SEC62: variants seen among roughly 807,000 people sequenced by gnomAD.
SEC62 encodes SEC62 preprotein translocation factor.
SEC62 carries 10 observed loss-of-function variants against 47.5 expected under a neutral mutation model. The observed-to-expected ratio is 0.21, with a 90% CI of 0.13 to 0.36. SEC62 has a LOEUF of 0.36. Ranked by LOEUF, SEC62 falls within the 10% of genes least tolerant of loss-of-function variation. SEC62 has a pLI of 1.00. For synonymous variants in SEC62, 136 were observed against 150.5 expected (o/e 0.90, Z 0.71); for missense variants, 327 against 464.1 (o/e 0.70, Z 2.71).
At chr3:169,969,180 G>C (rs1284819390) in intron 1 of SEC62, 2 of 371,572 alleles carry the variant, frequency 5.4e-6, no homozygotes, top group East Asian at 7.2e-5. Flanking sequence ...AATAGATTCA[G>C]TGATCTTTAA....
chr3:169,988,185 C>G, intron 6 of SEC62, 55 bp from the exon 7 acceptor site: 2 of 1,592,398 alleles, frequency 1.3e-6, no homozygotes, highest in Non-Finnish European at 1.7e-6. Flanking sequence ...GTTAGTGCAG[C>G]CATACCATTT....
chr3:169,968,353 C>T (rs1196935547), intron 1 of SEC62: 2 of 151,934 alleles, frequency 1.3e-5, no homozygotes, highest in East Asian at 3.8e-4. Context: ...TGAATAGCTG[C>T]TCTTATTTAG....
intron 1 of SEC62, 125 bp from the exon 2 acceptor site, chr3:169,975,483 G>A (rs1714815008): frequency 1.2e-5 from 7 of 575,234 alleles, no homozygotes; most frequent in Non-Finnish European, 2.1e-5. Flanking sequence ...TCGCTCCAGA[G>A]AAAGCTTGAA....
chr3:169,976,898 A>G (rs746115326), intron 2 of SEC62, 48 bp from the exon 3 acceptor site: 73 of 1,307,370 alleles, frequency 5.6e-5, no homozygotes, highest in Non-Finnish European at 7.4e-5. Context: ...TTAGATAGAC[A>G]TAAATCCCCA....
At chr3:169,990,445 T>C (rs2108288611) in intron 7 of SEC62, among the ~76,000 whole-genome samples, 1 of 152,272 alleles carries the variant, frequency 6.6e-6, no homozygotes, top group Admixed American at 6.5e-5. Flanking sequence ...AGCTTCCCCA[T>C]AATTCTTCCC....
Position 169,966,812 on chromosome 3 carries a change from G to C in SEC62, c.-11G>C. On this transcript the variant is annotated 5_prime_UTR_variant, in exon 1 of 8. Coordinates refer to ENST00000337002, the MANE Select transcript of SEC62 (RefSeq NM_003262.4). Reference sequence around the variant, plus strand: ...GCTCCACGTCAGAGGGAACCGGGCGGAGCGGCCAACATGGCGGAACGCAGG... The same window carrying C: ...GCTCCACGTCAGAGGGAACCGGGCGCAGCGGCCAACATGGCGGAACGCAGG... 1 of 1,552,928 alleles carries C rather than the reference G, an allele frequency of 6.4e-7. No individual in the cohort carries two copies. Among genetic ancestry groups the C allele is most frequent in the Non-Finnish European group, 8.7e-7 (1 of 1,147,790 alleles).
At chr3:169,990,929 G>A (rs1298802946) in intron 7 of SEC62, among the ~76,000 whole-genome samples, 1 of 152,084 alleles carries the variant, frequency 6.6e-6, no homozygotes, top group African/African-American at 2.4e-5. Flanking sequence ...AACAGTGACA[G>A]AATTGTCTAA....
rs756313227 is a variant in SEC62 at position 169,995,641 on chromosome 3, A to G, written c.*2578A>G. On this transcript the variant is annotated 3_prime_UTR_variant, in exon 8 of 8. Coordinates refer to ENST00000337002, the MANE Select transcript of SEC62 (RefSeq NM_003262.4). ...TAAATTGAATTTTTTTTTTAAATCT[A>G]TTAGGAACTGGAAAACAGCAAGTAT... The G allele has an allele frequency of 2.0e-5, 3 of 152,028 alleles. No homozygotes were observed. Among genetic ancestry groups the G allele is most frequent in the Admixed American group, 6.6e-5 (1 of 15,242 alleles). The allele number at this position is 152,028 out of a possible 1,614,324, so 9.4% of individuals were successfully genotyped here.
At chr3:169,969,148 T>A in intron 1 of SEC62, 1 of 338,060 alleles carries the variant, frequency 3.0e-6, no homozygotes, top group Non-Finnish European at 6.0e-6. Flanking sequence ...TTGCTTGATG[T>A]TTTATGTTTA....
intron 1 of SEC62, among the ~76,000 whole-genome samples, chr3:169,973,765 G>A (rs1056346261): frequency 2.6e-5 from 4 of 152,096 alleles, no homozygotes; most frequent in African/African-American, 9.7e-5. Flanking sequence ...TTTGGGTTGA[G>A]TGATTTGGGC....
chr3:169,979,980 G>GA (rs1305122659), intron 3 of SEC62, among the ~76,000 whole-genome samples: 22 of 148,508 alleles, frequency 1.5e-4, no homozygotes, highest in Middle Eastern at 3.5e-3. Flanking sequence ...TGTTAAATCT[G>GA]AAAAAAAAAT....
At chr3:169,979,202 T>G (rs954794837) in intron 3 of SEC62, among the ~76,000 whole-genome samples, 1 of 152,338 alleles carries the variant, frequency 6.6e-6, no homozygotes, top group East Asian at 1.9e-4. Flanking sequence ...AGCATAACTT[T>G]AAGGTCTCCA....
chr3:169,988,226 A>AT lies in SEC62; in HGVS notation c.611-11dup. 3 of 1,612,950 alleles carry AT rather than the reference A, an allele frequency of 1.9e-6. No individual in the cohort carries two copies. Among genetic ancestry groups the AT allele is most frequent in the Non-Finnish European group, 2.5e-6 (3 of 1,179,278 alleles). On this transcript the variant is annotated splice_polypyrimidine_tract_variant and intron_variant, in intron 6 of 7. Coordinates refer to ENST00000337002, the MANE Select transcript of SEC62 (RefSeq NM_003262.4). ...TTTATTCTAAAATTTAACTTTTGTC[A>AT]TTTCTTGTTCCAGTGATTGCAGTAA...
Position 169,995,499 on chromosome 3 carries a change from A to G in SEC62, c.*2436A>G, listed in dbSNP as rs1715352268. 1 of 152,200 alleles carries G rather than the reference A, an allele frequency of 6.6e-6. No homozygotes were observed. 9.4% of individuals were successfully genotyped at this position (152,200 alleles called of 1,614,324 possible). On this transcript the variant is annotated 3_prime_UTR_variant, in exon 8 of 8. Transcript: ENST00000337002. Reference sequence around the variant, plus strand: ...ACTATTCAGGAAGTAATAAATTTTAATATATCACATTGAAATTATGCAGTG... The same window carrying G: ...ACTATTCAGGAAGTAATAAATTTTAGTATATCACATTGAAATTATGCAGTG...
chr3:169,989,897 T>A (rs1295130937), intron 7 of SEC62, among the ~76,000 whole-genome samples: 1 of 149,894 alleles, frequency 6.7e-6, no homozygotes, highest in Non-Finnish European at 1.5e-5. Context: ...TAATTAGATA[T>A]TTCTTTTATA....
rs1203516291 is a variant in SEC62 at position 169,992,142 on chromosome 3, C to T, written c.731-452C>T. ...CCATGATCTTATGAATACTTAAATT[C>T]CCAACTGATTGCTATGTGTATTGAA... On this transcript the variant is annotated intron_variant, in intron 7 of 7. Transcript: ENST00000337002. This position sits in a 1 kb window ranked among gnomAD's most constrained non-coding sequence, Gnocchi z 4.0. Among the ~76,000 whole-genome samples, 1 of 152,098 alleles carries T rather than the reference C, an allele frequency of 6.6e-6. No individual in the cohort carries two copies. The highest frequency in any genetic ancestry group is 1.5e-5 in the Non-Finnish European group (1 of 68,004).
chr3:169,970,968 T>C (rs1190777079), intron 1 of SEC62, among the ~76,000 whole-genome samples: 1 of 152,140 alleles, frequency 6.6e-6, no homozygotes, highest in Non-Finnish European at 1.5e-5. Flanking sequence ...TATACCTTCT[T>C]ATGCTGCATC....
At chr3:169,980,096 CT>C (rs1559965541) in intron 3 of SEC62, among the ~76,000 whole-genome samples, 2 of 152,070 alleles carry the variant, frequency 1.3e-5, no homozygotes, top group East Asian at 3.9e-4. Flanking sequence ...ACAATAATAA[CT>C]ATGACTTGGT....
chr3:169,985,721 A>T, intron 5 of SEC62, 84 bp from the exon 6 acceptor site: 2 of 1,047,460 alleles, frequency 1.9e-6, no homozygotes, highest in Non-Finnish European at 2.8e-6. Context: ...TGACTGCTTT[A>T]AGGGACCTAA....
Sources: gnomAD v4.1 joint callset for allele counts (sites outside exome capture counted in the v4.1 genomes callset) on GRCh38, gnomAD v4.1.1 for gene constraint, Gnocchi (gnomAD v3.1) non-coding constraint, MANE v1.5 for transcripts, NCBI Gene and HGNC (gene_info 2026-07-23, HGNC 2026-07-21) for gene names.